PIK3AP1: variants seen among roughly 807,000 people sequenced by gnomAD.
PIK3AP1 encodes the protein phosphoinositide-3-kinase adaptor protein 1.
In PIK3AP1, 21 loss-of-function variants were observed where a neutral mutation model predicts 88.1. The ratio of observed to expected loss-of-function variants is 0.24; its 90% CI spans 0.17 to 0.34. The LOEUF (loss-of-function observed/expected upper bound fraction) is 0.34, where lower values mean the gene tolerates loss of function less well. Ranked by LOEUF, PIK3AP1 falls within the 10% of genes least tolerant of loss-of-function variation. The probability of loss-of-function intolerance (pLI) is 1.00; values close to 1 mark genes in which losing one functional copy is unlikely to be tolerated. For missense variants in PIK3AP1, 828 were observed against 1,035.7 expected (o/e 0.80, Z 2.75); for synonymous variants, 398 against 400.0 (o/e 1.00, Z 0.06).
chr10:96,679,464 G>T (rs1006983088), intron 2 of PIK3AP1, among the ~76,000 whole-genome samples: 3 of 151,886 alleles, frequency 2.0e-5, no homozygotes, highest in African/African-American at 7.3e-5. Context: ...GGAGGCGGAA[G>T]TTGCAGTAAG....
intron 2 of PIK3AP1, among the ~76,000 whole-genome samples, chr10:96,677,574 CACAT>C (rs1224619882): frequency 6.5e-5 from 8 of 123,692 alleles, no homozygotes; most frequent in Admixed American, 2.4e-4. Context: ...CCTCACTAAG[CACAT>C]ACACACACAC....
intron 7 of PIK3AP1, among the ~76,000 whole-genome samples, chr10:96,648,341 A>G (rs1215482214): frequency 1.3e-5 from 2 of 152,194 alleles, no homozygotes; most frequent in Non-Finnish European, 2.9e-5. Flanking sequence ...TCAGTGCTTA[A>G]TAGAAATGAT....
At chr10:96,647,300 C>G (rs927053319) in intron 7 of PIK3AP1, among the ~76,000 whole-genome samples, 1 of 152,212 alleles carries the variant, frequency 6.6e-6, no homozygotes, top group Non-Finnish European at 1.5e-5. Flanking sequence ...GCCCTAAGCA[C>G]AGTGACTTTG....
chr10:96,629,930 A>AAAAG (rs776780994), intron 8 of PIK3AP1, among the ~76,000 whole-genome samples: 1 of 13,726 alleles, frequency 7.3e-5, no homozygotes, highest in African/African-American at 1.8e-4. Flanking sequence ...AAAAAAAAAA[A>AAAAG]AAGAAGAAGA....
At chr10:96,631,284 A>C (rs915952349) in intron 8 of PIK3AP1, among the ~76,000 whole-genome samples, 2 of 152,218 alleles carry the variant, frequency 1.3e-5, no homozygotes, top group African/African-American at 4.8e-5. Context: ...ATAATATCAG[A>C]GTGCAAACCT....
At chr10:96,644,316 G>T (rs555973374) in intron 8 of PIK3AP1, among the ~76,000 whole-genome samples, 2 of 152,228 alleles carry the variant, frequency 1.3e-5, no homozygotes, top group South Asian at 2.1e-4. Flanking sequence ...TAAAAAGTAC[G>T]TATGATACAT....
intron 10 of PIK3AP1, among the ~76,000 whole-genome samples, chr10:96,625,122 T>C (rs981684286): frequency 2.0e-5 from 3 of 152,140 alleles, no homozygotes; most frequent in East Asian, 1.9e-4. Flanking sequence ...TAGAACACAA[T>C]GTAGAATGCG....
chr10:96,686,149 C>CAG (rs1844065102), intron 2 of PIK3AP1, among the ~76,000 whole-genome samples: 1 of 152,156 alleles, frequency 6.6e-6, no homozygotes, highest in Non-Finnish European at 1.5e-5. Flanking sequence ...AGGCAGTCAA[C>CAG]GCATATTTTT....
At chr10:96,620,958 T>C (rs1307460590) in intron 11 of PIK3AP1, 2 of 179,902 alleles carry the variant, frequency 1.1e-5, no homozygotes, top group African/African-American at 4.7e-5. Flanking sequence ...GAATTCCTGG[T>C]AGGGAAACTT....
At chr10:96,645,316 C>G (rs1337918812) in intron 8 of PIK3AP1, among the ~76,000 whole-genome samples, 157 bp downstream of exon 8, 3 of 152,164 alleles carry the variant, frequency 2.0e-5, no homozygotes. Context: ...CTTGTCACAG[C>G]ACATGACTCC....
intron 2 of PIK3AP1, among the ~76,000 whole-genome samples, chr10:96,688,937 A>G (rs569340827): frequency 4.6e-4 from 70 of 151,878 alleles, no homozygotes; most frequent in Non-Finnish European, 7.7e-4. Context: ...GCTTATCTCT[A>G]CATCCAACCG....
intron 2 of PIK3AP1, among the ~76,000 whole-genome samples, chr10:96,659,097 GA>G (rs1843652722): frequency 6.6e-6 from 1 of 152,048 alleles, no homozygotes; most frequent in Non-Finnish European, 1.5e-5. Flanking sequence ...GCTTGTAATG[GA>G]AAAAGCCAAA....
intron 9 of PIK3AP1, among the ~76,000 whole-genome samples, chr10:96,627,896 G>T (rs1843175771): frequency 6.6e-6 from 1 of 152,144 alleles, no homozygotes; most frequent in African/African-American, 2.4e-5. Flanking sequence ...CTTGCCTAAG[G>T]TTTTCCAGCT....
intron 2 of PIK3AP1, among the ~76,000 whole-genome samples, chr10:96,681,305 C>T (rs760745325): frequency 6.6e-6 from 1 of 152,144 alleles, no homozygotes; most frequent in Non-Finnish European, 1.5e-5. Flanking sequence ...CAAATCCAGT[C>T]GGGTTCTGAG....
intron 8 of PIK3AP1, among the ~76,000 whole-genome samples, chr10:96,640,659 C>CT (rs535710746): frequency 1.4e-4 from 20 of 147,920 alleles, no homozygotes; most frequent in African/African-American, 2.0e-4. Context: ...TATGTGGGGT[C>CT]TTTTTTTTTT....
At chr10:96,633,268 CAT>C in intron 8 of PIK3AP1, 1 of 492,018 alleles carries the variant, frequency 2.0e-6, no homozygotes. Flanking sequence ...TGCCTGGAAA[CAT>C]AGTTGACATT....
At position 96,642,724 on chromosome 10, in the gene PIK3AP1, G is replaced by T. The variant is rs115766260; in HGVS notation, c.1375+2749C>A. On this transcript the variant is annotated intron_variant, in intron 8 of 16. Transcript: ENST00000339364. ...GCACACTGCTGCCTTGGGAAGCCCT[G>T]GTAAACCTCACTGATCCTGCTGTGA... is the stretch of plus-strand genomic sequence containing the variant. 6.9e-3 allele frequency among the ~76,000 whole-genome samples: 1,054 copies of T among 152,184 alleles called. 16 individuals are homozygous for T. The highest frequency in any genetic ancestry group is 0.023 in the African/African-American group (968 of 41,500).
At chr10:96,643,087 A>G (rs1342649975) in intron 8 of PIK3AP1, among the ~76,000 whole-genome samples, 2 of 152,196 alleles carry the variant, frequency 1.3e-5, no homozygotes, top group Non-Finnish European at 2.9e-5. Flanking sequence ...AGAAGACATC[A>G]GTAACCGAAA....
intron 1 of PIK3AP1, among the ~76,000 whole-genome samples, chr10:96,715,686 C>G (rs1370526120): frequency 6.6e-6 from 1 of 151,900 alleles, no homozygotes; most frequent in African/African-American, 2.4e-5. Context: ...GTCAGGAGAT[C>G]GAGACCATCC....
Sources: gnomAD v4.1 joint callset for allele counts (sites outside exome capture counted in the v4.1 genomes callset) on GRCh38, gnomAD v4.1.1 for gene constraint, MANE v1.5 for transcripts, NCBI Gene and HGNC (gene_info 2026-07-23, HGNC 2026-07-21) for gene names.